Variants in MAP3K20 observed in about 807,000 individuals in gnomAD.
MAP3K20 encodes the protein HCCS-4.
A neutral mutation model predicts 85.7 loss-of-function variants in MAP3K20; 40 were observed. The observed-to-expected ratio is 0.47, with a 90% CI of 0.36 to 0.61. MAP3K20 has a LOEUF of 0.61. Ranked by LOEUF, MAP3K20 falls within the 20% of genes least tolerant of loss-of-function variation. The pLI is 0.00. For synonymous variants in MAP3K20, 325 were observed against 327.7 expected, an observed-to-expected ratio of 0.99 and a Z score of 0.09; for missense variants, 817 against 961.7, an observed-to-expected ratio of 0.85 and a Z score of 1.99.
chr2:173,185,917 G>A (rs1180441948), intron 4 of MAP3K20, among the ~76,000 whole-genome samples: 1 of 152,086 alleles, frequency 6.6e-6, no homozygotes, highest in Non-Finnish European at 1.5e-5. Context: ...TTTTTTTAAG[G>A]AAACCCTGAA....
chr2:173,179,945 T>C (rs911491095), intron 3 of MAP3K20, among the ~76,000 whole-genome samples: 1 of 152,170 alleles, frequency 6.6e-6, no homozygotes, highest in Non-Finnish European at 1.5e-5. Context: ...CAATGAAAAG[T>C]ACAAAAATTG....
At chr2:173,143,059 A>G (rs527256352) in intron 2 of MAP3K20, among the ~76,000 whole-genome samples, 1 of 152,276 alleles carries the variant, frequency 6.6e-6, no homozygotes. Context: ...AAAAAATAAA[A>G]CAAGACCCAA....
At chr2:173,120,615 A>G (rs769261550) in intron 2 of MAP3K20, among the ~76,000 whole-genome samples, 8 of 151,822 alleles carry the variant, frequency 5.3e-5, no homozygotes, top group Non-Finnish European at 1.0e-4. Flanking sequence ...AAGATCTCCA[A>G]ACTAACAGAG....
intron 16 of MAP3K20, among the ~76,000 whole-genome samples, chr2:173,246,521 C>T (rs542876982): frequency 6.6e-6 from 1 of 152,220 alleles, no homozygotes; most frequent in Non-Finnish European, 1.5e-5. Flanking sequence ...CAGCTCACCA[C>T]GCAGGAATAT....
chr2:173,178,619 G>A (rs544409294), intron 3 of MAP3K20, among the ~76,000 whole-genome samples: 1 of 152,204 alleles, frequency 6.6e-6, no homozygotes, highest in East Asian at 1.9e-4. Flanking sequence ...ACTCCAGCCT[G>A]GGCAAAAGAG....
chr2:173,090,492 T>G, intron 1 of MAP3K20: 1 of 381,606 alleles, frequency 2.6e-6, no homozygotes. Flanking sequence ...TCAACGTTTA[T>G]TGTGTGTTCA....
At chr2:173,206,477 G>A (rs554660218) in intron 9 of MAP3K20, among the ~76,000 whole-genome samples, 2 of 152,166 alleles carry the variant, frequency 1.3e-5, no homozygotes, top group Admixed American at 6.5e-5. Flanking sequence ...ACCTGGCCAC[G>A]GCCCACATTT....
At chr2:173,094,520 C>T (rs1485152634) in intron 2 of MAP3K20, among the ~76,000 whole-genome samples, 1 of 152,200 alleles carries the variant, frequency 6.6e-6, no homozygotes, top group Non-Finnish European at 1.5e-5. Context: ...AATCCAGGAT[C>T]GTATATTGCA....
chr2:173,262,353 A>T (rs1266654919), intron 18 of MAP3K20, among the ~76,000 whole-genome samples: 2 of 152,112 alleles, frequency 1.3e-5, no homozygotes, highest in African/African-American at 4.8e-5. Flanking sequence ...TAACCCCAGC[A>T]CTTTGGGAGG....
chr2:173,204,592 AT>A (rs1394878067), intron 9 of MAP3K20, among the ~76,000 whole-genome samples: 1 of 152,216 alleles, frequency 6.6e-6, no homozygotes, highest in East Asian at 1.9e-4. Flanking sequence ...TGCAAAGATC[AT>A]TTTAAAAGAC....
rs193171383 is a variant in MAP3K20, at chr2:173,203,535, T to C, written c.670-261T>C. Among the ~76,000 whole-genome samples, 52 of 152,304 alleles carry C rather than the reference T, an allele frequency of 3.4e-4. No homozygotes were observed. In the East Asian group the frequency reaches 9.3e-3, roughly 27 times the overall value. On this transcript the variant is annotated intron_variant, in intron 8 of 19. Transcript: ENST00000375213. ...CTCCTACTGTAGTTCTGTTTAGATATTTTATGTTTTGTTGCATTAGTTGTA... is the reference window on the plus strand; with the variant it reads ...CTCCTACTGTAGTTCTGTTTAGATACTTTATGTTTTGTTGCATTAGTTGTA...
intron 16 of MAP3K20, among the ~76,000 whole-genome samples, chr2:173,244,027 G>C (rs1168674600): frequency 6.6e-6 from 1 of 152,178 alleles, no homozygotes; most frequent in Non-Finnish European, 1.5e-5. Context: ...GGGCAGCGCA[G>C]ACAACCAGGT....
chr2:173,200,468 AC>A (rs1421009598), intron 8 of MAP3K20, among the ~76,000 whole-genome samples: 4 of 152,342 alleles, frequency 2.6e-5, no homozygotes, highest in Admixed American at 1.3e-4. Flanking sequence ...CGTATTTTTA[AC>A]AGGCCTCATT....
chr2:173,105,120 T>G (rs572992045), intron 2 of MAP3K20, among the ~76,000 whole-genome samples: 2 of 152,250 alleles, frequency 1.3e-5, no homozygotes, highest in African/African-American at 4.8e-5. Flanking sequence ...TGACGTGAAA[T>G]GGTTTGACTT....
At chr2:173,082,704 G>A (rs1325687815) in intron 1 of MAP3K20, among the ~76,000 whole-genome samples, 1 of 152,078 alleles carries the variant, frequency 6.6e-6, no homozygotes, top group African/African-American at 2.4e-5. Context: ...TCCCCTCTCC[G>A]TGCACCCTCA....
intron 2 of MAP3K20, among the ~76,000 whole-genome samples, chr2:173,098,695 C>G (rs144463380): frequency 1.3e-5 from 2 of 152,166 alleles, no homozygotes; most frequent in African/African-American, 2.4e-5. Flanking sequence ...TCTCCACATG[C>G]CTAGTCTCTT....
rs1416511564 is a variant in MAP3K20, at chr2:173,203,760, GT to G, written c.670-32del. ...TGCTGACATTAATGAATAAATCCCT[GT>G]TTTATTTTGTTTTGTTTCCCTCTGT... On this transcript the variant is annotated intron_variant, in intron 8 of 19. Transcript: ENST00000375213. 5 of 1,508,686 alleles carry G rather than the reference GT, an allele frequency of 3.3e-6. No individual in the cohort carries two copies. The African/African-American group carries it at 6.9e-5, about 21-fold the overall frequency. 93.5% of individuals were successfully genotyped at this position (1,508,686 alleles called of 1,614,324 possible).
At chr2:173,189,439 T>C (rs1690585089) in intron 5 of MAP3K20, among the ~76,000 whole-genome samples, 1 of 152,154 alleles carries the variant, frequency 6.6e-6, no homozygotes, top group Non-Finnish European at 1.5e-5. Context: ...TCTTCAGAAC[T>C]TTATCCTTGG....
intron 2 of MAP3K20, among the ~76,000 whole-genome samples, chr2:173,120,237 C>G (rs887609044): frequency 6.6e-6 from 1 of 152,108 alleles, no homozygotes; most frequent in Non-Finnish European, 1.5e-5. Flanking sequence ...CCTTAGCTGG[C>G]TGGTCGGCTT....
Sources: allele counts gnomAD v4.1 joint callset (sites outside exome capture counted in the v4.1 genomes callset), GRCh38; gene constraint gnomAD v4.1.1; transcripts MANE v1.5; gene names NCBI Gene and HGNC (gene_info 2026-07-23, HGNC 2026-07-21).